Variants in XYLT1 observed in about 807,000 individuals in gnomAD.
XYLT1 encodes the protein xylosyltransferase 1.
XYLT1 carries 36 observed loss-of-function variants against 91.3 expected under a neutral mutation model. The observed-to-expected ratio is 0.39, with a 90% CI of 0.30 to 0.52. The LOEUF is 0.52. Among genes scored for constraint, XYLT1 ranks in the 20% least tolerant of loss-of-function variants. The pLI, the probability that XYLT1 is intolerant of heterozygous loss-of-function variation, is 0.68. For missense variants in XYLT1, 1,242 were observed against 1,284.5 expected, an observed-to-expected ratio of 0.97 and a Z score of 0.51; for synonymous variants, 588 against 532.0, an observed-to-expected ratio of 1.11 and a Z score of -1.45.
At chr16:17,281,967 A>C (rs1252245149) in intron 2 of XYLT1, among the ~76,000 whole-genome samples, 1 of 152,144 alleles carries the variant, frequency 6.6e-6, no homozygotes, top group Non-Finnish European at 1.5e-5. Flanking sequence ...GTCTCCCAGA[A>C]TGGGGATGGA....
chr16:17,367,864 G>A (rs1300130369), intron 1 of XYLT1, among the ~76,000 whole-genome samples: 1 of 152,162 alleles, frequency 6.6e-6, no homozygotes, highest in East Asian at 1.9e-4. Flanking sequence ...AGGAGGAAAG[G>A]CCTATTTCCT....
intron 1 of XYLT1, among the ~76,000 whole-genome samples, chr16:17,369,048 G>T (rs2035491604): frequency 6.7e-6 from 1 of 148,600 alleles, no homozygotes; most frequent in East Asian, 1.9e-4. Context: ...TCTTCAGAGA[G>T]GTTTAAAAAA....
chr16:17,222,789 CAAAAAAA>C (rs11358476), intron 3 of XYLT1, among the ~76,000 whole-genome samples: 1 of 71,210 alleles, frequency 1.4e-5, no homozygotes, highest in African/African-American at 6.0e-5. Context: ...AACTCTGTCT[CAAAAAAA>C]AAAAAAAAAA....
At chr16:17,217,959 A>T (rs1567327491) in intron 3 of XYLT1, among the ~76,000 whole-genome samples, 1 of 66,954 alleles carries the variant, frequency 1.5e-5, no homozygotes, top group East Asian at 9.0e-4. Flanking sequence ...AATAATAATA[A>T]AAAAAAAAAA....
chr16:17,121,341 C>T (rs1036433455), intron 10 of XYLT1, among the ~76,000 whole-genome samples: 9 of 152,096 alleles, frequency 5.9e-5, no homozygotes, highest in African/African-American at 1.4e-4. Context: ...GTTTTTCAAC[C>T]GAGGAGCGTG....
chr16:17,366,416 C>A (rs1298589153), intron 1 of XYLT1, among the ~76,000 whole-genome samples: 2 of 152,182 alleles, frequency 1.3e-5, no homozygotes, highest in Non-Finnish European at 2.9e-5. Context: ...TTAATTCTTA[C>A]AACTGTCTGG....
intron 1 of XYLT1, among the ~76,000 whole-genome samples, chr16:17,464,896 C>G (rs2036868804): frequency 6.6e-6 from 1 of 151,882 alleles, no homozygotes; most frequent in South Asian, 2.1e-4. Flanking sequence ...CCTGTAGTCC[C>G]AGCATTTTGG....
chr16:17,198,521 T>G lies in XYLT1; in HGVS notation c.1087-107A>C. 7.9e-6 allele frequency: 9 copies of G among 1,133,384 alleles called. No individual in the cohort carries two copies. The South Asian group carries it at 1.4e-4, about 17-fold the overall frequency. 70.2% of individuals were successfully genotyped at this position (1,133,384 alleles called of 1,614,324 possible). A position where few individuals can be genotyped will look rare whatever the true frequency, so the allele number is the denominator to read the frequency against. On this transcript the variant is annotated intron_variant, in intron 4 of 11. Transcript: ENST00000261381. ...GTGTCTTCCCTCCTGGTTGGGCACTTCTGAGCACAGTGGCCTTTGCCAAGT... is the reference window on the plus strand; with the variant it reads ...GTGTCTTCCCTCCTGGTTGGGCACTGCTGAGCACAGTGGCCTTTGCCAAGT...
intron 2 of XYLT1, among the ~76,000 whole-genome samples, chr16:17,283,044 A>G (rs1596464504): frequency 6.6e-6 from 1 of 151,950 alleles, no homozygotes; most frequent in African/African-American, 2.4e-5. Flanking sequence ...CACATATTGC[A>G]TGCATAGACC....
chr16:17,331,533 T>A (rs1320448828), intron 2 of XYLT1, among the ~76,000 whole-genome samples: 1 of 152,202 alleles, frequency 6.6e-6, no homozygotes, highest in Non-Finnish European at 1.5e-5. Flanking sequence ...TCTTTCTGAT[T>A]TGGTTGCGGT....
At chr16:17,462,515 T>C (rs964303215) in intron 1 of XYLT1, among the ~76,000 whole-genome samples, 1 of 151,940 alleles carries the variant, frequency 6.6e-6, no homozygotes, top group Non-Finnish European at 1.5e-5. Context: ...GGCAAACGGG[T>C]AGTTTCTGTT....
intron 5 of XYLT1, among the ~76,000 whole-genome samples, chr16:17,180,722 T>A (rs562572685): frequency 1.6e-4 from 24 of 152,204 alleles, no homozygotes; most frequent in African/African-American, 5.5e-4. Context: ...GATTAACTGG[T>A]CTTATAGGCA....
At chr16:17,214,182 A>C (rs946872656) in intron 3 of XYLT1, among the ~76,000 whole-genome samples, 1 of 152,186 alleles carries the variant, frequency 6.6e-6, no homozygotes, top group Non-Finnish European at 1.5e-5. Flanking sequence ...TCCTGCCAAG[A>C]TGGCCTCCCA....
At chr16:17,267,829 T>C (rs959954483) in intron 2 of XYLT1, among the ~76,000 whole-genome samples, 7 of 152,210 alleles carry the variant, frequency 4.6e-5, no homozygotes, top group Non-Finnish European at 1.0e-4. Context: ...CTCAGTTTCC[T>C]TCTCTGTAAA....
chr16:17,165,530 CA>C (rs34143212), intron 5 of XYLT1, among the ~76,000 whole-genome samples: 58,352 of 144,514 alleles, frequency 0.4, 12,360 homozygotes, highest in African/African-American at 0.58. Flanking sequence ...ACTAAAAATA[CA>C]AAAAAAAAAA....
At chr16:17,179,414 A>G (rs2032016865) in intron 5 of XYLT1, among the ~76,000 whole-genome samples, 1 of 152,206 alleles carries the variant, frequency 6.6e-6, no homozygotes. Flanking sequence ...CCCTCGCCTG[A>G]TAACTCTCTT....
chr16:17,207,763 C>T (rs1227018553), intron 3 of XYLT1, among the ~76,000 whole-genome samples: 3 of 152,030 alleles, frequency 2.0e-5, no homozygotes, highest in Non-Finnish European at 4.4e-5. Context: ...TCATGCGGGG[C>T]CACCAGGTCC....
At chr16:17,448,179 C>T (rs930826622) in intron 1 of XYLT1, among the ~76,000 whole-genome samples, 3 of 152,144 alleles carry the variant, frequency 2.0e-5, no homozygotes, top group African/African-American at 7.2e-5. Flanking sequence ...ACCAGCCTGG[C>T]CAACATAGTG....
intron 1 of XYLT1, among the ~76,000 whole-genome samples, chr16:17,416,460 G>A (rs73525200): frequency 0.011 from 1,751 of 152,288 alleles, 43 homozygotes; most frequent in African/African-American, 0.04. Flanking sequence ...CCTCACACGG[G>A]GCCTGAGATG....
Sources: allele counts gnomAD v4.1 joint callset (sites outside exome capture counted in the v4.1 genomes callset), GRCh38; gene constraint gnomAD v4.1.1; transcripts MANE v1.5; gene names NCBI Gene and HGNC (gene_info 2026-07-23, HGNC 2026-07-21).